The following TMEM252 variants were observed in gnomAD, a reference collection of about 807,000 sequenced individuals.
TMEM252 encodes the protein transmembrane protein 252.
A neutral mutation model predicts 6.4 loss-of-function variants in TMEM252; 4 were observed. The ratio of observed to expected loss-of-function variants is 0.62; its 90% CI spans 0.31 to 1.43. The LOEUF is 1.43. Ranked by LOEUF, TMEM252 falls within the 40% of genes most tolerant of loss-of-function variation. The pLI, the probability that TMEM252 is intolerant of heterozygous loss-of-function variation, is 0.07. For missense variants in TMEM252, 207 were observed against 209.4 expected (o/e 0.99, Z 0.07); for synonymous variants, 85 against 82.5 (o/e 1.03, Z -0.17).
In TMEM252 at chr9:68,540,449, G is replaced by A. The variant is rs746413656; in HGVS notation, c.278+88C>T. 6.5e-6 allele frequency: 10 copies of A among 1,547,948 alleles called. No homozygotes were observed. The East Asian group carries it at 1.1e-4, about 18-fold the overall frequency. On this transcript the variant is annotated intron_variant, in intron 1 of 1. Transcript: ENST00000377311. The stretch of plus-strand genomic sequence containing the variant: ...AGACAGCCCATGGGACATGTAAGTC[G>A]CTCCATAGTAGGATCAGAAATTACT...
At position 68,537,415 on chromosome 9, in the gene TMEM252, A is replaced by G. The variant is rs1397764566; in HGVS notation, c.357T>C (p.Ser119=). The G allele has an allele frequency of 1.9e-6, 3 of 1,607,090 alleles. No homozygotes were observed. The highest frequency in any genetic ancestry group is 1.3e-5 in the African/African-American group (1 of 74,448). Residue 119 remains serine, a synonymous_variant, in exon 2 of 2, where the codon TCT becomes TCC. Coordinates refer to ENST00000377311, the MANE Select transcript of TMEM252 (RefSeq NM_153237.2). ...KQSCPAEREA[S]GIPPPLYTET... ...CTGTATATAGAGGTGGAGGAATGCCAGAGGCCTCTCTCTCTGCAGGACAGC... is the reference window on the plus strand; with the variant it reads ...CTGTATATAGAGGTGGAGGAATGCCGGAGGCCTCTCTCTCTGCAGGACAGC...
chr9:68,537,158 C>T lies in TMEM252; in HGVS notation c.*101G>A, dbSNP rs41305537. The T allele has an allele frequency of 6.8e-6, 7 of 1,029,102 alleles. No homozygotes were observed. In the Admixed American group the frequency reaches 1.3e-4, roughly 19 times the overall value. 63.7% of individuals were successfully genotyped at this position (1,029,102 alleles called of 1,614,324 possible). A position where few individuals can be genotyped will look rare whatever the true frequency, so the allele number is the denominator to read the frequency against. On this transcript the variant is annotated 3_prime_UTR_variant, in exon 2 of 2. Coordinates refer to ENST00000377311, the MANE Select transcript of TMEM252 (RefSeq NM_153237.2). ...CCTCCCCAAGCTCTCTTGTGGGGTCCCTGGTGTGGCTTTTCCTCCCACAGT... is the reference window on the plus strand; with the variant it reads ...CCTCCCCAAGCTCTCTTGTGGGGTCTCTGGTGTGGCTTTTCCTCCCACAGT...
chr9:68,540,686 G>A lies in TMEM252; in HGVS notation c.129C>T (p.Ala43=). ...CAAACCCCAGAGGCAGAAGCAAATAGGCCGCAATCAGGCTCCCCTGACAGT... is the reference window on the plus strand; with the variant it reads ...CAAACCCCAGAGGCAGAAGCAAATAAGCCGCAATCAGGCTCCCCTGACAGT... The part of the protein sequence containing the change: ...IFDCQGSLIA[A]YLLLPLGFVI... The change falls in exon 1 of 2, where the codon GCC becomes GCT. Residue 43 remains alanine, a synonymous_variant. Coordinates refer to ENST00000377311, the MANE Select transcript of TMEM252 (RefSeq NM_153237.2). The A allele has an allele frequency of 6.2e-7, 1 of 1,614,112 alleles. No individual in the cohort carries two copies. The highest frequency in any genetic ancestry group is 8.5e-7 in the Non-Finnish European group (1 of 1,180,018).
In TMEM252 at chr9:68,537,012, G is replaced by T. The variant is rs1280270242; in HGVS notation, c.*247C>A. 2 of 439,690 alleles carry T rather than the reference G, an allele frequency of 4.5e-6. No individual in the cohort carries two copies. Among genetic ancestry groups the T allele is most frequent in the Non-Finnish European group, 8.0e-6 (2 of 249,258 alleles). 27.2% of individuals were successfully genotyped at this position (439,690 alleles called of 1,614,324 possible). Reference sequence around the variant, plus strand: ...ACCTTTGGGGACCCAAGGCCAGCCGGGGTTAAGATTAGTGTGAATGCTCTG... The same window carrying T: ...ACCTTTGGGGACCCAAGGCCAGCCGTGGTTAAGATTAGTGTGAATGCTCTG... On this transcript the variant is annotated 3_prime_UTR_variant, in exon 2 of 2. Coordinates refer to ENST00000377311, the MANE Select transcript of TMEM252 (RefSeq NM_153237.2).
rs1055990913 is a variant in TMEM252 at position 68,537,284 on chromosome 9, G to A, written c.488C>T (p.Ala163Val). The A allele has an allele frequency of 2.5e-6, 4 of 1,602,520 alleles. No individual in the cohort carries two copies. The African/African-American group carries it at 5.4e-5, about 22-fold the overall frequency. Residue 163 changes from alanine to valine, a missense_variant, in exon 2 of 2, where the codon GCC becomes GTC. Ala to Val is a moderately conservative substitution (Grantham distance 64). Coordinates refer to ENST00000377311, the MANE Select transcript of TMEM252 (RefSeq NM_153237.2). ...TCAGCACTCTTGGCCTCGCCTCTGG[G>A]CGTCCTCTGAGATTGCTGTCACCAC... is the stretch of plus-strand genomic sequence containing the variant. ...GLVVTAISED[A>V]QRRGQEC
Position 68,537,109 on chromosome 9 carries a change from G to C in TMEM252, c.*150C>G. On this transcript the variant is annotated 3_prime_UTR_variant, in exon 2 of 2. Transcript: ENST00000377311. Reference sequence around the variant, plus strand: ...GCCCTGCCCTGGCATGGCCAGTTATGTCTGGAATTCAGGGCTGTCATCCCC... The same window carrying C: ...GCCCTGCCCTGGCATGGCCAGTTATCTCTGGAATTCAGGGCTGTCATCCCC... 1 of 701,060 alleles carries C rather than the reference G, an allele frequency of 1.4e-6. No homozygotes were observed. Among genetic ancestry groups the C allele is most frequent in the Non-Finnish European group, 2.3e-6 (1 of 432,948 alleles). The allele number at this position is 701,060 out of a possible 1,614,324, so 43.4% of individuals were successfully genotyped here.
chr9:68,537,655 A>G (rs912320828), intron 1 of TMEM252, among the ~76,000 whole-genome samples, 162 bp from the exon 2 acceptor site: 36 of 152,256 alleles, frequency 2.4e-4, no homozygotes, highest in African/African-American at 8.0e-4. Context: ...AGTTTTTTAA[A>G]AATGTGCTGC....
intron 1 of TMEM252, among the ~76,000 whole-genome samples, chr9:68,540,302 G>A (rs1251244966): frequency 1.3e-5 from 2 of 152,212 alleles, no homozygotes; most frequent in African/African-American, 4.8e-5. Flanking sequence ...TTCACTGGGG[G>A]TGGTGGTAGG....
chr9:68,540,844 C>T lies in TMEM252; in HGVS notation c.-30G>A, dbSNP rs1564033373. 4 of 1,597,044 alleles carry T rather than the reference C, an allele frequency of 2.5e-6. No individual in the cohort carries two copies. Among genetic ancestry groups the T allele is most frequent in the Non-Finnish European group, 3.4e-6 (4 of 1,168,258 alleles). ...GCACCTTAGGAACCCAGCACCCTGA[C>T]CCTGCTGCTCCTCTGCTTCCCTGCT... is the stretch of plus-strand genomic sequence containing the variant. On this transcript the variant is annotated 5_prime_UTR_variant, in exon 1 of 2. Transcript: ENST00000377311.
intron 1 of TMEM252, among the ~76,000 whole-genome samples, chr9:68,538,767 C>T (rs922753131): frequency 5.3e-5 from 8 of 152,124 alleles, no homozygotes; most frequent in Non-Finnish European, 7.3e-5. Flanking sequence ...TTACATGCAG[C>T]GAGAAGAGGC....
At chr9:68,539,934 T>G (rs1228529561) in intron 1 of TMEM252, among the ~76,000 whole-genome samples, 1 of 152,196 alleles carries the variant, frequency 6.6e-6, no homozygotes. Flanking sequence ...TCACCAACAC[T>G]AGCTGTTTGG....
At chr9:68,539,208 A>G (rs1825174661) in intron 1 of TMEM252, among the ~76,000 whole-genome samples, 1 of 152,226 alleles carries the variant, frequency 6.6e-6, no homozygotes, top group Admixed American at 6.5e-5. Context: ...TGTAGCCTGT[A>G]TCTTGAGAAT....
In TMEM252 at chr9:68,536,970, A is replaced by G; in HGVS notation, c.*289T>C. 1 of 350,388 alleles carries G rather than the reference A, an allele frequency of 2.9e-6. No homozygotes were observed. The highest frequency in any genetic ancestry group is 3.9e-5 in the South Asian group (1 of 25,828). The allele number at this position is 350,388 out of a possible 1,614,324, so 21.7% of individuals were successfully genotyped here. A position where few individuals can be genotyped will look rare whatever the true frequency, so the allele number is the denominator to read the frequency against. ...GACAGCAGAAAGAATCTCTGTAAGC[A>G]GAGCTCTCAGAGTGACACCTTTGGG... On this transcript the variant is annotated 3_prime_UTR_variant, in exon 2 of 2. Coordinates refer to ENST00000377311, the MANE Select transcript of TMEM252 (RefSeq NM_153237.2).
intron 1 of TMEM252, among the ~76,000 whole-genome samples, chr9:68,539,345 A>T (rs1825176562): frequency 6.6e-6 from 1 of 152,162 alleles, no homozygotes; most frequent in African/African-American, 2.4e-5. Context: ...TATATGACAT[A>T]AAATTTACTG....
At position 68,537,258 on chromosome 9, in the gene TMEM252, C is replaced by T. The variant is rs1825150806; in HGVS notation, c.*1G>A. 6.2e-7 allele frequency: 1 copy of T among 1,603,406 alleles called. No individual in the cohort carries two copies. The highest frequency in any genetic ancestry group is 1.3e-5 in the African/African-American group (1 of 74,146). On this transcript the variant is annotated 3_prime_UTR_variant, in exon 2 of 2. Transcript: ENST00000377311. ...ATGAGTGCTGGAGAGCTTTCTCTGC[C>T]TCAGCACTCTTGGCCTCGCCTCTGG...
In TMEM252 at chr9:68,537,108, T is replaced by C. The variant is rs41312182; in HGVS notation, c.*151A>G. 53,872 of 689,514 alleles carry C rather than the reference T, an allele frequency of 0.078. 2,448 individuals carry two copies. The highest frequency in any genetic ancestry group is 0.095 in the Middle Eastern group (244 of 2,570). 42.7% of individuals were successfully genotyped at this position (689,514 alleles called of 1,614,324 possible). ...TGCCCTGCCCTGGCATGGCCAGTTA[T>C]GTCTGGAATTCAGGGCTGTCATCCC... On this transcript the variant is annotated 3_prime_UTR_variant, in exon 2 of 2. Coordinates refer to ENST00000377311, the MANE Select transcript of TMEM252 (RefSeq NM_153237.2).
intron 1 of TMEM252, 131 bp downstream of exon 1, chr9:68,540,402 CAATA>C: frequency 7.8e-7 from 1 of 1,288,246 alleles, no homozygotes; most frequent in Non-Finnish European, 1.1e-6. Flanking sequence ...AATTCCCTGA[CAATA>C]AAGCTTTGGT....
At position 68,538,216 on chromosome 9, in the gene TMEM252, C is replaced by T. The variant is rs552264411; in HGVS notation, c.279-723G>A. Among the ~76,000 whole-genome samples the T allele has an allele frequency of 3.3e-5, 5 of 152,270 alleles. No homozygotes were observed. The South Asian group carries it at 8.3e-4, about 25-fold the overall frequency. On this transcript the variant is annotated intron_variant, in intron 1 of 1. Coordinates refer to ENST00000377311, the MANE Select transcript of TMEM252 (RefSeq NM_153237.2). Reference sequence around the variant, plus strand: ...AATTGCTAAATCCTCCTGGCTTCTCCATCATGAATGAATTTGGGGGAAGGG... The same window carrying T: ...AATTGCTAAATCCTCCTGGCTTCTCTATCATGAATGAATTTGGGGGAAGGG...
intron 1 of TMEM252, among the ~76,000 whole-genome samples, chr9:68,537,966 T>C (rs983915041): frequency 6.6e-6 from 1 of 152,224 alleles, no homozygotes; most frequent in East Asian, 1.9e-4. Context: ...AAACCAACTC[T>C]GTGCTGATCC....
Sources: gnomAD v4.1 joint callset for allele counts (sites outside exome capture counted in the v4.1 genomes callset) on GRCh38, gnomAD v4.1.1 for gene constraint, MANE v1.5 for transcripts, NCBI Gene and HGNC (gene_info 2026-07-23, HGNC 2026-07-21) for gene names.